Variants in ZNF274 observed in about 807,000 individuals in gnomAD.
ZNF274 encodes zinc finger protein 274.
In ZNF274, 23 loss-of-function variants were observed where a neutral mutation model predicts 42.5. The ratio of observed to expected loss-of-function variants is 0.54; its 90% CI spans 0.39 to 0.77. ZNF274 has a LOEUF of 0.77. ZNF274 is among the 30% of genes least tolerant of loss of function. The pLI is 0.00. For synonymous variants in ZNF274, 292 were observed against 305.4 expected (o/e 0.96, Z 0.46); for missense variants, 679 against 806.5 (o/e 0.84, Z 1.91).
At chr19:58,202,922 CAG>C (rs1419208572) in intron 4 of ZNF274, among the ~76,000 whole-genome samples, 1 of 152,008 alleles carries the variant, frequency 6.6e-6, no homozygotes, top group African/African-American at 2.4e-5. Context: ...GTGTACAGAA[CAG>C]AGTGTGGGGC....
At chr19:58,204,488 C>G (rs2075957343) in intron 4 of ZNF274, among the ~76,000 whole-genome samples, 3 of 151,980 alleles carry the variant, frequency 2.0e-5, no homozygotes, top group African/African-American at 7.2e-5. Flanking sequence ...TTCCTGAGTG[C>G]GCGATGACGG....
chr19:58,201,907 A>G (rs2075916565), intron 4 of ZNF274, among the ~76,000 whole-genome samples: 1 of 152,128 alleles, frequency 6.6e-6, no homozygotes, highest in South Asian at 2.1e-4. Context: ...AAACTGAGTA[A>G]CGTAAAGATG....
rs1478737210 is a variant in ZNF274, at chr19:58,211,077, AAGC to A, written c.853-479_853-477del. 9 of 153,022 alleles carry A rather than the reference AAGC, an allele frequency of 5.9e-5. No homozygotes were observed. The highest frequency in any genetic ancestry group is 1.9e-4 in the African/African-American group (8 of 41,590). The allele number at this position is 153,022 out of a possible 1,614,324, so 9.5% of individuals were successfully genotyped here. On this transcript the variant is annotated intron_variant, in intron 6 of 7. Transcript: ENST00000617501. The surrounding 1 kb of genome is among the most constrained non-coding windows in gnomAD (Gnocchi z 4.8). ...AAGCAAAATGCCTCAGATCCTGGCAAAGCAGCGTTGGGGGTACCTCTTCTTCCC... is the reference window on the plus strand; with the variant it reads ...AAGCAAAATGCCTCAGATCCTGGCAAAGCGTTGGGGGTACCTCTTCTTCCC...
At chr19:58,195,259 A>G (rs570003185) in intron 4 of ZNF274, among the ~76,000 whole-genome samples, 65 of 151,666 alleles carry the variant, frequency 4.3e-4, no homozygotes, top group African/African-American at 1.4e-3. Flanking sequence ...ATACACACTA[A>G]TAGTATGGAT....
In ZNF274 at chr19:58,187,016, G is replaced by C; in HGVS notation, c.230G>C (p.Arg77Thr). ...EEAEDFWPVE[R>T]GIPQDTIPEY... is the part of the protein sequence containing the mutation. Reference sequence around the variant, plus strand: ...GCAGAAGATTTCTGGCCAGTGGAGAGAGGAATTCCTCAAGACACCATTCCA... The same window carrying C: ...GCAGAAGATTTCTGGCCAGTGGAGACAGGAATTCCTCAAGACACCATTCCA... The change falls in exon 4 of 8, where the codon AGA becomes ACA. Residue 77 changes from arginine (R) to threonine (T), a missense_variant. Physicochemically the swap from Arg to Thr is moderately conservative, Grantham distance 71 (BLOSUM62 -1). Coordinates refer to ENST00000617501, the MANE Select transcript of ZNF274 (RefSeq NM_133502.3). The C allele has an allele frequency of 5.0e-6, 8 of 1,613,042 alleles. No homozygotes were observed. The highest frequency in any genetic ancestry group is 2.2e-5 in the East Asian group (1 of 44,878).
rs778126177 is a variant in ZNF274, at chr19:58,207,214, G to A, written c.739+12G>A. On this transcript the variant is annotated intron_variant, in intron 5 of 7. Transcript: ENST00000617501. This position sits in a 1 kb window ranked among gnomAD's most constrained non-coding sequence, Gnocchi z 5.6. The stretch of plus-strand genomic sequence containing the variant: ...GTCTGAGGAGGAAGGTAAGTAGAAG[G>A]GTGGGTAGAGGGACAGCTTAATGAG... The A allele has an allele frequency of 1.2e-6, 2 of 1,601,838 alleles. No homozygotes were observed. The highest frequency in any genetic ancestry group is 1.7e-6 in the Non-Finnish European group (2 of 1,173,434).
chr19:58,193,445 C>CTTTT (rs71188098), intron 4 of ZNF274, among the ~76,000 whole-genome samples: 12 of 47,814 alleles, frequency 2.5e-4, no homozygotes, highest in African/African-American at 3.8e-4. Context: ...CGCGCCTGGC[C>CTTTT]TTTTTTTTTT....
chr19:58,188,375 C>T lies in ZNF274; in HGVS notation c.256+1333C>T, dbSNP rs558004463. Among the ~76,000 whole-genome samples the T allele has an allele frequency of 1.1e-3, 167 of 150,810 alleles. 3 individuals are homozygous for T. Among genetic ancestry groups the T allele is most frequent in the African/African-American group, 3.7e-3 (153 of 41,110 alleles). ...GTGGCTCATGGCTGTAATCCCAGCA[C>T]TTTGGGAGGCCAAGGCAGGCAGATC... On this transcript the variant is annotated intron_variant, in intron 4 of 7. Coordinates refer to ENST00000617501, the MANE Select transcript of ZNF274 (RefSeq NM_133502.3).
chr19:58,205,818 G>A (rs2075973375), intron 4 of ZNF274, among the ~76,000 whole-genome samples: 1 of 152,180 alleles, frequency 6.6e-6, no homozygotes, highest in East Asian at 1.9e-4. Context: ...CTTGTCCCCA[G>A]TGGAGGTTGG....
At chr19:58,210,179 C>A in intron 6 of ZNF274, 106 bp downstream of exon 6, 1 of 797,476 alleles carries the variant, frequency 1.3e-6, no homozygotes, top group Non-Finnish European at 2.0e-6. Context: ...CTCCCACAGG[C>A]TGGGACATTC....
chr19:58,204,738 A>T (rs2075962070), intron 4 of ZNF274, among the ~76,000 whole-genome samples: 1 of 152,042 alleles, frequency 6.6e-6, no homozygotes, highest in South Asian at 2.1e-4. Flanking sequence ...TTACAACACT[A>T]CCCGTTCTTC....
intron 6 of ZNF274, chr19:58,210,967 T>C (rs954069673): frequency 2.6e-5 from 4 of 152,354 alleles, no homozygotes; most frequent in Admixed American, 2.0e-4. Flanking sequence ...CCACCCGCCT[T>C]GGCCTCCCAA....
intron 4 of ZNF274, among the ~76,000 whole-genome samples, chr19:58,202,887 A>G (rs542053303): frequency 6.6e-6 from 1 of 152,252 alleles, no homozygotes; most frequent in African/African-American, 2.4e-5. Context: ...GTTCCACAGC[A>G]TGCAAAAGGT....
At chr19:58,198,977 G>C (rs912796828) in intron 4 of ZNF274, among the ~76,000 whole-genome samples, 35 of 151,838 alleles carry the variant, frequency 2.3e-4, no homozygotes, top group African/African-American at 8.5e-4. Context: ...AGGAATTGGA[G>C]ACCACCCCGG....
chr19:58,186,003 A>C, intron 3 of ZNF274, 165 bp downstream of exon 3: 1 of 464,272 alleles, frequency 2.2e-6, no homozygotes, highest in Non-Finnish European at 3.6e-6. Context: ...CTCCCTGAAT[A>C]CCAGGGAGAT....
intron 4 of ZNF274, among the ~76,000 whole-genome samples, chr19:58,203,660 T>G (rs1045658947): frequency 2.6e-5 from 4 of 151,920 alleles, no homozygotes; most frequent in African/African-American, 9.7e-5. Context: ...AAAAGTTACT[T>G]GGGGCGAAGT....
Position 58,212,315 on chromosome 19 carries a change from C to T in ZNF274, c.1134C>T (p.Val378=). 2 of 1,613,978 alleles carry T rather than the reference C, an allele frequency of 1.2e-6. No homozygotes were observed. Among genetic ancestry groups the T allele is most frequent in the South Asian group, 1.1e-5 (1 of 91,082 alleles). The part of the protein sequence containing the change: ...EDTLQGGVQE[V]QDTVLKQMES... ...CCTTGCAGGGTGGGGTCCAGGAAGT[C>T]CAAGACACAGTGTTGAAGCAGATGG... Residue 378 remains valine (V), a synonymous_variant, in exon 8 of 8, where the codon GTC becomes GTT. Transcript: ENST00000617501. The surrounding 1 kb of genome is among the most constrained non-coding windows in gnomAD (Gnocchi z 4.6).
At chr19:58,198,181 T>C (rs967763034) in intron 4 of ZNF274, among the ~76,000 whole-genome samples, 3 of 152,212 alleles carry the variant, frequency 2.0e-5, no homozygotes, top group African/African-American at 2.4e-5. Flanking sequence ...GAGCTCATTT[T>C]CTGGATAGGC....
At position 58,211,673 on chromosome 19, in the gene ZNF274, C is replaced by T. The variant is rs2076042211; in HGVS notation, c.966C>T (p.His322=). ...YRDVMLETFG[H]LVSVGWETTL... is the part of the protein sequence containing the mutation. The stretch of plus-strand genomic sequence containing the variant: ...ATGTGATGCTGGAGACCTTTGGGCA[C>T]CTGGTCTCTGTGGGTAAGGCTGTGC... The change falls in exon 7 of 8, where the codon CAC becomes CAT. Residue 322 remains histidine, a synonymous_variant. Coordinates refer to ENST00000617501, the MANE Select transcript of ZNF274 (RefSeq NM_133502.3). The surrounding 1 kb of genome is among the most constrained non-coding windows in gnomAD (Gnocchi z 4.8). 1.9e-6 allele frequency: 3 copies of T among 1,612,826 alleles called. No homozygotes were observed. Among genetic ancestry groups the T allele is most frequent in the Middle Eastern group, 1.6e-4 (1 of 6,078 alleles).
Sources: gnomAD v4.1 joint callset for allele counts (sites outside exome capture counted in the v4.1 genomes callset) on GRCh38, gnomAD v4.1.1 for gene constraint, Gnocchi (gnomAD v3.1) non-coding constraint, MANE v1.5 for transcripts, NCBI Gene and HGNC (gene_info 2026-07-23, HGNC 2026-07-21) for gene names.